The following NKAIN3 variants were observed in gnomAD, a reference collection of about 807,000 sequenced individuals.
The protein encoded by NKAIN3 is sodium/potassium-transporting ATPase subunit beta-1-interacting protein 3.
A neutral mutation model predicts 30.2 loss-of-function variants in NKAIN3; 25 were observed. The ratio of observed to expected loss-of-function variants is 0.83; its 90% CI spans 0.60 to 1.16. NKAIN3 has a LOEUF of 1.16. Among genes scored for constraint, NKAIN3 ranks in the 50% most tolerant of loss-of-function variants. NKAIN3 has a pLI of 0.00. For synonymous variants in NKAIN3, 91 were observed against 89.6 expected, an observed-to-expected ratio of 1.02 and a Z score of -0.09; for missense variants, 225 against 254.1, an observed-to-expected ratio of 0.89 and a Z score of 0.78.
chr8:62,534,327 A>G (rs1003934161), intron 1 of NKAIN3, among the ~76,000 whole-genome samples: 1 of 152,212 alleles, frequency 6.6e-6, no homozygotes, highest in Admixed American at 6.5e-5. Context: ...TGGAAGAAAC[A>G]CTGACAACAG....
chr8:62,665,709 T>C (rs925727661), intron 3 of NKAIN3, among the ~76,000 whole-genome samples: 7 of 152,178 alleles, frequency 4.6e-5, no homozygotes, highest in Non-Finnish European at 5.9e-5. Context: ...AAGAATAGTC[T>C]GGTGGCTTCC....
chr8:62,300,757 A>G (rs1376354670), intron 1 of NKAIN3, among the ~76,000 whole-genome samples: 3 of 152,262 alleles, frequency 2.0e-5, no homozygotes, highest in African/African-American at 7.2e-5. Flanking sequence ...AGCTGCAGCA[A>G]ACATTTTCTT....
intron 1 of NKAIN3, among the ~76,000 whole-genome samples, chr8:62,429,009 T>C (rs1804906286): frequency 6.6e-6 from 1 of 151,928 alleles, no homozygotes; most frequent in African/African-American, 2.4e-5. Context: ...TTTTGTAATA[T>C]GGTGAGACAT....
intron 1 of NKAIN3, among the ~76,000 whole-genome samples, chr8:62,427,797 T>A (rs914184343): frequency 6.6e-6 from 1 of 151,998 alleles, no homozygotes; most frequent in Non-Finnish European, 1.5e-5. Flanking sequence ...ATCTGGGTAA[T>A]TGTAATATTT....
intron 1 of NKAIN3, among the ~76,000 whole-genome samples, chr8:62,385,635 G>A (rs1331590967): frequency 8.5e-5 from 13 of 152,048 alleles, no homozygotes; most frequent in Admixed American, 3.9e-4. Context: ...ATCAATATAC[G>A]GGATAGTTCT....
At chr8:62,508,030 T>C (rs953040410) in intron 1 of NKAIN3, among the ~76,000 whole-genome samples, 1 of 152,194 alleles carries the variant, frequency 6.6e-6, no homozygotes, top group African/African-American at 2.4e-5. Flanking sequence ...TCAAAGGTAG[T>C]GATTGGGCTT....
intron 1 of NKAIN3, among the ~76,000 whole-genome samples, chr8:62,323,950 G>T (rs1815028864): frequency 6.6e-6 from 1 of 151,994 alleles, no homozygotes. Context: ...GGGATTTTGG[G>T]GTACAGAGGG....
chr8:62,312,545 C>T (rs889005465), intron 1 of NKAIN3, among the ~76,000 whole-genome samples: 20 of 150,412 alleles, frequency 1.3e-4, no homozygotes, highest in Admixed American at 1.2e-3. Context: ...GGGCCAGGTG[C>T]GATGGCTCAC....
intron 1 of NKAIN3, among the ~76,000 whole-genome samples, chr8:62,301,406 G>A (rs1172794325): frequency 6.6e-6 from 1 of 152,016 alleles, no homozygotes; most frequent in East Asian, 1.9e-4. Flanking sequence ...TTTATGAACA[G>A]AAGAAGGAAA....
chr8:62,656,546 G>C (rs1812770402), intron 3 of NKAIN3, among the ~76,000 whole-genome samples: 1 of 152,172 alleles, frequency 6.6e-6, no homozygotes, highest in South Asian at 2.1e-4. Context: ...TTGGAGTTCT[G>C]TGGCTTAGGC....
At chr8:62,452,594 T>C (rs776825730) in intron 1 of NKAIN3, among the ~76,000 whole-genome samples, 3 of 152,172 alleles carry the variant, frequency 2.0e-5, no homozygotes, top group African/African-American at 4.8e-5. Flanking sequence ...AGGTGTTCTC[T>C]GGAACACAGT....
At chr8:62,723,221 A>G (rs1815148656) in intron 3 of NKAIN3, among the ~76,000 whole-genome samples, 1 of 152,176 alleles carries the variant, frequency 6.6e-6, no homozygotes, top group Non-Finnish European at 1.5e-5. Flanking sequence ...AACAACATTT[A>G]TTATTTTTCT....
chr8:62,411,593 T>C (rs1039586792), intron 1 of NKAIN3, among the ~76,000 whole-genome samples: 4 of 152,190 alleles, frequency 2.6e-5, no homozygotes, highest in African/African-American at 7.2e-5. Context: ...GGCATCGAAA[T>C]AGGAAAAGAA....
intron 3 of NKAIN3, among the ~76,000 whole-genome samples, chr8:62,618,644 G>A (rs964979846): frequency 1.3e-5 from 2 of 152,090 alleles, no homozygotes; most frequent in Non-Finnish European, 2.9e-5. Context: ...TGTGGCTAAC[G>A]CCTGTAATCC....
intron 3 of NKAIN3, among the ~76,000 whole-genome samples, chr8:62,682,834 C>T (rs1343314318): frequency 6.6e-6 from 1 of 152,032 alleles, no homozygotes; most frequent in Non-Finnish European, 1.5e-5. Flanking sequence ...GCAAGCCCTA[C>T]CCAAGGAGAA....
At chr8:62,853,361 A>G (rs570747860) in intron 4 of NKAIN3, among the ~76,000 whole-genome samples, 1 of 152,152 alleles carries the variant, frequency 6.6e-6, no homozygotes, top group East Asian at 1.9e-4. Context: ...TGCACGTGAG[A>G]TGGGTTTCTT....
chr8:62,972,574 G>A lies in NKAIN3; in HGVS notation c.*7167G>A, dbSNP rs1046154337. Among the ~76,000 whole-genome samples the A allele has an allele frequency of 6.6e-6, 1 of 152,086 alleles. No individual in the cohort carries two copies. Among genetic ancestry groups the A allele is most frequent in the Admixed American group, 6.6e-5 (1 of 15,246 alleles). On this transcript the variant is annotated 3_prime_UTR_variant, in exon 7 of 7. Transcript: ENST00000623646. ...TTTACGTGCTTCTCAGTTGACATTT[G>A]TGAAGGCAGATTATACACATGAGAC... is the stretch of plus-strand genomic sequence containing the variant.
chr8:62,976,429 T>C lies in NKAIN3; in HGVS notation c.*11022T>C, dbSNP rs905404015. ...CTTCCTGTTGCATTGATCCTTTTAC[T>C]ATTATGTAATGGCCTTCTGTGTCTG... On this transcript the variant is annotated 3_prime_UTR_variant, in exon 7 of 7. Transcript: ENST00000623646. 1.3e-4 allele frequency among the ~76,000 whole-genome samples: 20 copies of C among 152,170 alleles called. No individual in the cohort carries two copies. The highest frequency in any genetic ancestry group is 4.1e-4 in the African/African-American group (17 of 41,458).
chr8:62,718,114 A>C (rs1459976927), intron 3 of NKAIN3, among the ~76,000 whole-genome samples: 1 of 152,162 alleles, frequency 6.6e-6, no homozygotes, highest in Non-Finnish European at 1.5e-5. Context: ...AGACTTATTC[A>C]CCATCACGAG....
Sources: allele counts gnomAD v4.1 joint callset (sites outside exome capture counted in the v4.1 genomes callset), GRCh38; gene constraint gnomAD v4.1.1; transcripts MANE v1.5; gene names NCBI Gene and HGNC (gene_info 2026-07-23, HGNC 2026-07-21).